PCDHGB2: variants seen among roughly 807,000 people sequenced by gnomAD.
PCDHGB2 encodes protocadherin gamma-B2.
In PCDHGB2, 55 loss-of-function variants were observed where a neutral mutation model predicts 59.3. The observed-to-expected ratio is 0.93, with a 90% CI of 0.75 to 1.16. The LOEUF is 1.16. Among genes scored for constraint, PCDHGB2 ranks in the 50% most tolerant of loss-of-function variants. PCDHGB2 has a pLI of 0.00. For missense variants in PCDHGB2, 1,228 were observed against 1,198.5 expected, an observed-to-expected ratio of 1.02 and a Z score of -0.36; for synonymous variants, 516 against 512.0, an observed-to-expected ratio of 1.01 and a Z score of -0.11.
chr5:141,439,297 G>T (rs1252051365), intron 1 of PCDHGB2, among the ~76,000 whole-genome samples: 1 of 152,064 alleles, frequency 6.6e-6, no homozygotes, highest in African/African-American at 2.4e-5. Context: ...CATGGAAAAA[G>T]TAAAGCCCAG....
chr5:141,362,539 T>A lies in PCDHGB2; in HGVS notation c.2404T>A (p.Ser802Thr), dbSNP rs773303808. 1 of 1,613,828 alleles carries A rather than the reference T, an allele frequency of 6.2e-7. No individual in the cohort carries two copies. Among genetic ancestry groups the A allele is most frequent in the South Asian group, 1.1e-5 (1 of 91,050 alleles). ...NHGAAGVPFA[S>T]DTILKQAPPN... Reference sequence around the variant, plus strand: ...TGGAGCCGCTGGGGTCCCTTTTGCCTCAGATACTATTTTGAAGGTGAGCTT... The same window carrying A: ...TGGAGCCGCTGGGGTCCCTTTTGCCACAGATACTATTTTGAAGGTGAGCTT... The change falls in exon 1 of 4, where the codon TCA becomes ACA. Residue 802 changes from serine to threonine, a missense_variant. Coordinates refer to ENST00000522605, the MANE Select transcript of PCDHGB2 (RefSeq NM_018923.3).
intron 1 of PCDHGB2, among the ~76,000 whole-genome samples, chr5:141,397,331 TA>T (rs1194266776): frequency 2.0e-5 from 3 of 152,214 alleles, no homozygotes; most frequent in Non-Finnish European, 4.4e-5. Flanking sequence ...AAATTATTTT[TA>T]TAAAGAATGT....
chr5:141,361,024 A>G lies in PCDHGB2; in HGVS notation c.889A>G (p.Lys297Glu). Residue 297 changes from lysine (K) to glutamate (E), a missense_variant, in exon 1 of 4, where the codon AAA becomes GAA. Physicochemically the swap from Lys to Glu is moderately conservative, Grantham distance 56 (BLOSUM62 1). Coordinates refer to ENST00000522605, the MANE Select transcript of PCDHGB2 (RefSeq NM_018923.3). ...GAAACACTTTTTCAACTTAAATGAAAAAACAGGAGAAATCACGACAAAGGA... is the reference window on the plus strand; with the variant it reads ...GAAACACTTTTTCAACTTAAATGAAGAAACAGGAGAAATCACGACAAAGGA... ...QVKHFFNLNE[K>E]TGEITTKDDL... is the part of the protein sequence containing the mutation. 1 of 1,613,350 alleles carries G rather than the reference A, an allele frequency of 6.2e-7. No homozygotes were observed. Among genetic ancestry groups the G allele is most frequent in the Non-Finnish European group, 8.5e-7 (1 of 1,179,516 alleles).
intron 1 of PCDHGB2, chr5:141,376,346 C>T (rs1772586691): frequency 2.5e-6 from 4 of 1,614,194 alleles, no homozygotes; most frequent in East Asian, 4.5e-5. Context: ...GACCTATTCC[C>T]ACGAGGTCTC....
rs1382364867 is a variant in PCDHGB2, at chr5:141,374,132, C to A, written c.2421+11576C>A. 2.5e-6 allele frequency: 4 copies of A among 1,605,166 alleles called. No homozygotes were observed. The highest frequency in any genetic ancestry group is 3.4e-6 in the Non-Finnish European group (4 of 1,174,350). On this transcript the variant is annotated intron_variant, in intron 1 of 3. Transcript: ENST00000522605. ...GCAGCGCAGCGAGCAGGTCCTGCTC[C>A]TCACGCTCCTGGGGACGCTGTGGGG...
intron 1 of PCDHGB2, chr5:141,366,161 G>T (rs1242007246): frequency 6.2e-7 from 1 of 1,613,974 alleles, no homozygotes; most frequent in African/African-American, 1.3e-5. Flanking sequence ...CCTGCTTAAG[G>T]CCAGCGAGCC....
chr5:141,360,972 CTCCTT>C lies in PCDHGB2; in HGVS notation c.840_844del (p.Phe281Ter). ...AAGGCATAAACGCAGAGATCACCTA[CTCCTT>C]TCATAATGTGGACGAACAAGTGAAA... is the stretch of plus-strand genomic sequence containing the variant. On this transcript the variant is annotated frameshift_variant, in exon 1 of 4. Coordinates refer to ENST00000522605, the MANE Select transcript of PCDHGB2 (RefSeq NM_018923.3). LOFTEE classifies it high-confidence loss of function. The C allele has an allele frequency of 6.2e-7, 1 of 1,613,868 alleles. No homozygotes were observed. Among genetic ancestry groups the C allele is most frequent in the Non-Finnish European group, 8.5e-7 (1 of 1,179,826 alleles).
chr5:141,489,427 C>T lies in PCDHGB2; in HGVS notation c.2422-5380C>T, dbSNP rs370540900. 83 of 1,613,990 alleles carry T rather than the reference C, an allele frequency of 5.1e-5. No individual in the cohort carries two copies. The highest frequency in any genetic ancestry group is 8.3e-5 in the Admixed American group (5 of 59,996). On this transcript the variant is annotated intron_variant, in intron 1 of 3. Transcript: ENST00000522605. The surrounding 1 kb of genome is among the most constrained non-coding windows in gnomAD (Gnocchi z 4.5). ...AAAGATGACAGATCTGTTGAGCCGGCGGCTGCAATTGGGCTCTGAGGAGAA... is the reference window on the plus strand; with the variant it reads ...AAAGATGACAGATCTGTTGAGCCGGTGGCTGCAATTGGGCTCTGAGGAGAA...
At chr5:141,450,489 CTG>C (rs2098682348) in intron 1 of PCDHGB2, among the ~76,000 whole-genome samples, 1 of 150,280 alleles carries the variant, frequency 6.7e-6, no homozygotes, top group Admixed American at 6.6e-5. Context: ...GTTTGTTTGT[CTG>C]TTTGTTTGTT....
chr5:141,381,257 C>G (rs1284591781), intron 1 of PCDHGB2, among the ~76,000 whole-genome samples: 1 of 152,248 alleles, frequency 6.6e-6, no homozygotes, highest in Non-Finnish European at 1.5e-5. Flanking sequence ...GAAGAATTTA[C>G]AAACCAAGAC....
At chr5:141,488,217 A>G (rs537136341) in intron 1 of PCDHGB2, among the ~76,000 whole-genome samples, 2 of 152,274 alleles carry the variant, frequency 1.3e-5, no homozygotes, top group East Asian at 1.9e-4. Flanking sequence ...TCAAGTCCCT[A>G]CTGGGGATTT....
At chr5:141,479,685 G>A (rs749895405) in intron 1 of PCDHGB2, 3 of 152,248 alleles carry the variant, frequency 2.0e-5, no homozygotes, top group Non-Finnish European at 4.4e-5. Flanking sequence ...AGTCTTTTTG[G>A]TGCCTCCAGT....
chr5:141,366,355 A>G (rs1196036060), intron 1 of PCDHGB2: 1 of 1,614,004 alleles, frequency 6.2e-7, no homozygotes, highest in Non-Finnish European at 8.5e-7. Context: ...TGGCTGACCT[A>G]GGCAGTATCA....
chr5:141,485,654 G>A lies in PCDHGB2; in HGVS notation c.2422-9153G>A, dbSNP rs2099617203. 6.2e-7 allele frequency: 1 copy of A among 1,612,482 alleles called. No individual in the cohort carries two copies. The highest frequency in any genetic ancestry group is 8.5e-7 in the Non-Finnish European group (1 of 1,178,842). On this transcript the variant is annotated intron_variant, in intron 1 of 3. Coordinates refer to ENST00000522605, the MANE Select transcript of PCDHGB2 (RefSeq NM_018923.3). The surrounding 1 kb of genome is among the most constrained non-coding windows in gnomAD (Gnocchi z 5.7). ...CCCGTTGGAAAAGGCTCAGGATGCA[G>A]ATGTGGGGAGCAATTCGATTAGCAG... is the stretch of plus-strand genomic sequence containing the variant.
intron 1 of PCDHGB2, among the ~76,000 whole-genome samples, chr5:141,453,067 C>T (rs1227122711): frequency 1.3e-5 from 2 of 152,024 alleles, no homozygotes; most frequent in Admixed American, 6.6e-5. Flanking sequence ...AGAGTTTTGC[C>T]ACACTCTGGT....
rs1233801398 is a variant in PCDHGB2, at chr5:141,431,238, C to T, written c.2422-63569C>T. The stretch of plus-strand genomic sequence containing the variant: ...TTCCCTCTACCCCACGCCTGGGATC[C>T]GGATATCGGGAAGAACTCTCTGCAG... On this transcript the variant is annotated intron_variant, in intron 1 of 3. Coordinates refer to ENST00000522605, the MANE Select transcript of PCDHGB2 (RefSeq NM_018923.3). This position sits in a 1 kb window ranked among gnomAD's most constrained non-coding sequence, Gnocchi z 4.8. The T allele has an allele frequency of 3.7e-6, 6 of 1,614,156 alleles. No homozygotes were observed. Among genetic ancestry groups the T allele is most frequent in the Non-Finnish European group, 8.5e-7 (1 of 1,180,038 alleles).
intron 1 of PCDHGB2, among the ~76,000 whole-genome samples, chr5:141,454,120 T>C (rs956675583): frequency 6.6e-5 from 10 of 152,228 alleles, no homozygotes; most frequent in African/African-American, 2.4e-4. Context: ...ATAGAAGAAA[T>C]AGCTGACCAT....
intron 1 of PCDHGB2, chr5:141,399,868 G>A (rs1410554488): frequency 6.2e-7 from 1 of 1,612,710 alleles, no homozygotes; most frequent in African/African-American, 1.3e-5. Flanking sequence ...TGCAGAGCCC[G>A]GCTACCTGGT....
chr5:141,493,908 G>A lies in PCDHGB2; in HGVS notation c.2422-899G>A, dbSNP rs1308946115. ...CTAGGAGTGCTCCATGAGAGTGTGT[G>A]ATGGGATAACACACCCCCTGGAAAG... On this transcript the variant is annotated intron_variant, in intron 1 of 3. Transcript: ENST00000522605. This position sits in a 1 kb window ranked among gnomAD's most constrained non-coding sequence, Gnocchi z 4.3. Among the ~76,000 whole-genome samples the A allele has an allele frequency of 6.6e-6, 1 of 152,208 alleles. No homozygotes were observed. The highest frequency in any genetic ancestry group is 1.5e-5 in the Non-Finnish European group (1 of 68,032).
Sources: allele counts gnomAD v4.1 joint callset (sites outside exome capture counted in the v4.1 genomes callset), GRCh38; gene constraint gnomAD v4.1.1; non-coding constraint Gnocchi (gnomAD v3.1); transcripts MANE v1.5; gene names NCBI Gene and HGNC (gene_info 2026-07-23, HGNC 2026-07-21).